DENND4A: variants seen among roughly 807,000 people sequenced by gnomAD.
DENND4A encodes the protein C-myc promoter-binding protein.
Under a neutral mutation model 199.3 loss-of-function variants are expected in DENND4A, and 70 were observed. The ratio of observed to expected loss-of-function variants is 0.35; its 90% confidence interval spans 0.29 to 0.43. The LOEUF is 0.43. Among genes scored for constraint, DENND4A ranks in the 20% least tolerant of loss-of-function variants. The pLI is 1.00. For missense variants in DENND4A, 1,723 were observed against 2,255.8 expected (o/e 0.76, Z 4.78); for synonymous variants, 686 against 766.9 (o/e 0.89, Z 1.74).
intron 1 of DENND4A, among the ~76,000 whole-genome samples, chr15:65,788,854 T>TAAA: frequency 9.8e-6 from 1 of 102,354 alleles, no homozygotes; most frequent in Non-Finnish European, 1.9e-5. Flanking sequence ...GGACTTGTCT[T>TAAA]AAAAAAAAAA....
intron 4 of DENND4A, among the ~76,000 whole-genome samples, chr15:65,743,443 C>G (rs911549162): frequency 1.3e-5 from 2 of 152,130 alleles, no homozygotes; most frequent in African/African-American, 4.8e-5. Context: ...AACTTCCTTA[C>G]TGCCTTCAAA....
At chr15:65,709,719 A>AAAAAAAAATATAT (rs1218030026) in intron 14 of DENND4A, among the ~76,000 whole-genome samples, 1 of 51,470 alleles carries the variant, frequency 1.9e-5, no homozygotes, top group South Asian at 7.9e-4. Flanking sequence ...AAAAAAAAAA[A>AAAAAAAAATATAT]ATATATATAT....
intron 14 of DENND4A, among the ~76,000 whole-genome samples, chr15:65,707,180 G>C (rs986070434): frequency 6.6e-6 from 1 of 151,798 alleles, no homozygotes; most frequent in African/African-American, 2.4e-5. Context: ...CTAGATACTC[G>C]ATAGCAAGGT....
rs147733570 is a variant in DENND4A, at chr15:65,676,886, C to T, written c.4180-252G>A. On this transcript the variant is annotated intron_variant, in intron 23 of 32. Transcript: ENST00000443035. Reference sequence around the variant, plus strand: ...TATATACTAGTTAGTAAGGTAACCTCGTTGACTTTTAATTTCCATTTATTG... The same window carrying T: ...TATATACTAGTTAGTAAGGTAACCTTGTTGACTTTTAATTTCCATTTATTG... 3.6e-3 allele frequency among the ~76,000 whole-genome samples: 549 copies of T among 152,270 alleles called. 3 individuals are homozygous for T. The highest frequency in any genetic ancestry group is 0.01 in the African/African-American group (424 of 41,568).
intron 1 of DENND4A, among the ~76,000 whole-genome samples, chr15:65,781,141 G>A (rs1187342983): frequency 6.6e-6 from 1 of 152,130 alleles, no homozygotes; most frequent in African/African-American, 2.4e-5. Context: ...GACTACATAA[G>A]CAATGGTCAA....
Position 65,717,985 on chromosome 15 carries a change from G to A in DENND4A, c.1600C>T (p.Pro534Ser). The change falls in exon 13 of 33, where the codon CCG (proline) becomes TCG (serine). Residue 534 changes from proline (P) to serine (S), a missense_variant. Coordinates refer to ENST00000443035, the MANE Select transcript of DENND4A (RefSeq NM_001320835.1). The part of the protein sequence containing the change: ...HQQLAKLQQR[P>S]RDDGLMDLAI... ...AAATCCATGAGTCCATCATCTCTCG[G>A]TCTCTGCTGCACTGTGAAGACATAC... 6.3e-7 allele frequency: 1 copy of A among 1,599,972 alleles called. No homozygotes were observed. The highest frequency in any genetic ancestry group is 8.5e-7 in the Non-Finnish European group (1 of 1,172,470).
At chr15:65,668,704 C>A (rs891416310) in intron 27 of DENND4A, among the ~76,000 whole-genome samples, 2 of 151,898 alleles carry the variant, frequency 1.3e-5, no homozygotes, top group African/African-American at 4.8e-5. Context: ...GCCTGTAATC[C>A]CAGCTACTTG....
chr15:65,698,102 T>TA (rs1274181406), intron 20 of DENND4A, among the ~76,000 whole-genome samples: 2 of 151,398 alleles, frequency 1.3e-5, no homozygotes, highest in Non-Finnish European at 2.9e-5. Flanking sequence ...AAATAAAAAA[T>TA]AAAAAAAATT....
At chr15:65,741,630 A>C (rs1422593317) in intron 5 of DENND4A, 85 bp downstream of exon 5, 1 of 1,077,124 alleles carries the variant, frequency 9.3e-7, no homozygotes, top group Non-Finnish European at 1.4e-6. Flanking sequence ...ATACTAACAC[A>C]GACTAGGCAG....
chr15:65,665,942 T>G (rs1380108895), intron 29 of DENND4A, among the ~76,000 whole-genome samples: 1 of 152,150 alleles, frequency 6.6e-6, no homozygotes, highest in Admixed American at 6.5e-5. Flanking sequence ...TGGCAGTATA[T>G]GAAAAAGTAA....
intron 4 of DENND4A, among the ~76,000 whole-genome samples, chr15:65,748,353 C>T (rs906708256): frequency 5.3e-5 from 8 of 151,884 alleles, no homozygotes; most frequent in Non-Finnish European, 1.2e-4. Context: ...CAAAGTCACT[C>T]ATGCCTGCAA....
chr15:65,785,249 C>T (rs768666188), intron 1 of DENND4A, among the ~76,000 whole-genome samples: 6 of 150,890 alleles, frequency 4.0e-5, no homozygotes, highest in Non-Finnish European at 8.8e-5. Flanking sequence ...ATTATAATTC[C>T]AGCACTTTGG....
chr15:65,713,894 T>C (rs1430039202), intron 14 of DENND4A, among the ~76,000 whole-genome samples: 1 of 152,136 alleles, frequency 6.6e-6, no homozygotes, highest in East Asian at 1.9e-4. Context: ...GGTGTGCTCA[T>C]TGCTTTTGGG....
At chr15:65,689,233 C>G (rs555319432) in intron 23 of DENND4A, among the ~76,000 whole-genome samples, 2 of 151,968 alleles carry the variant, frequency 1.3e-5, no homozygotes, top group Admixed American at 1.3e-4. Context: ...TTTTTTAAAC[C>G]TTTTCCTTTA....
intron 12 of DENND4A, among the ~76,000 whole-genome samples, chr15:65,720,557 G>A (rs548034368): frequency 4.0e-4 from 60 of 151,784 alleles, no homozygotes; most frequent in African/African-American, 1.4e-3. Flanking sequence ...GACAACAAGC[G>A]TGCACCACCA....
chr15:65,692,700 T>C (rs1035762765), intron 22 of DENND4A, among the ~76,000 whole-genome samples: 6 of 152,142 alleles, frequency 3.9e-5, no homozygotes, highest in Non-Finnish European at 5.9e-5. Context: ...ATTGAGGACA[T>C]AGGAAATCAA....
At chr15:65,719,567 G>A (rs1170509927) in intron 12 of DENND4A, among the ~76,000 whole-genome samples, 5 of 152,008 alleles carry the variant, frequency 3.3e-5, no homozygotes, top group Non-Finnish European at 7.4e-5. Flanking sequence ...GAGAGACACA[G>A]CATCACTTCT....
intron 23 of DENND4A, among the ~76,000 whole-genome samples, chr15:65,689,702 C>T (rs1426294538): frequency 6.6e-6 from 1 of 152,202 alleles, no homozygotes; most frequent in Non-Finnish European, 1.5e-5. Flanking sequence ...ACTTACCCTT[C>T]TCATGCAGTA....
intron 1 of DENND4A, among the ~76,000 whole-genome samples, chr15:65,780,961 C>A (rs2077421724): frequency 6.6e-6 from 1 of 152,166 alleles, no homozygotes; most frequent in African/African-American, 2.4e-5. Context: ...TGAGCTATAA[C>A]ATAGTTACCA....
Sources: allele counts gnomAD v4.1 joint callset (sites outside exome capture counted in the v4.1 genomes callset), GRCh38; gene constraint gnomAD v4.1.1; transcripts MANE v1.5; gene names NCBI Gene and HGNC (gene_info 2026-07-23, HGNC 2026-07-21).